NBEA: variants seen among roughly 807,000 people sequenced by gnomAD.
NBEA encodes the protein neurobeachin.
NBEA carries 44 observed loss-of-function variants against 343.4 expected under a neutral mutation model. The ratio of observed to expected loss-of-function variants is 0.13; its 90% CI spans 0.10 to 0.16. The LOEUF (loss-of-function observed/expected upper bound fraction) is 0.16. Among genes scored for constraint, NBEA ranks in the 10% least tolerant of loss-of-function variants. The pLI, the probability that NBEA is intolerant of heterozygous loss-of-function variation, is 1.00. For synonymous variants in NBEA, 1,175 were observed against 1,238.7 expected (o/e 0.95, Z 1.08); for missense variants, 2,555 against 3,631.3 (o/e 0.70, Z 7.62).
chr13:35,559,014 A>G (rs1325055438), intron 44 of NBEA, among the ~76,000 whole-genome samples: 1 of 152,198 alleles, frequency 6.6e-6, no homozygotes. Context: ...AATTATGAAT[A>G]TGAATATCCT....
intron 36 of NBEA, among the ~76,000 whole-genome samples, chr13:35,319,849 C>T (rs1427924501): frequency 2.0e-5 from 3 of 151,746 alleles, no homozygotes; most frequent in Non-Finnish European, 4.4e-5. Flanking sequence ...TACATAATTC[C>T]CTTCTTTGTC....
intron 35 of NBEA, among the ~76,000 whole-genome samples, chr13:35,305,824 G>A (rs913113244): frequency 1.3e-5 from 2 of 152,126 alleles, no homozygotes; most frequent in Admixed American, 6.6e-5. Context: ...CACCATCGGT[G>A]GGTTCTTGAA....
At chr13:35,582,242 C>T (rs899748709) in intron 45 of NBEA, among the ~76,000 whole-genome samples, 4 of 151,976 alleles carry the variant, frequency 2.6e-5, no homozygotes, top group Admixed American at 6.6e-5. Flanking sequence ...GCCCAGATCG[C>T]GCCACTGCAC....
intron 28 of NBEA, among the ~76,000 whole-genome samples, chr13:35,182,000 T>A (rs1310643695): frequency 1.3e-5 from 2 of 151,680 alleles, no homozygotes; most frequent in East Asian, 3.9e-4. Flanking sequence ...AACCCTTGAT[T>A]TTTTTAAAAT....
Position 35,466,405 on chromosome 13 carries a change from T to C in NBEA, c.6449-5995T>C, listed in dbSNP as rs372040259. ...TGTTGGGGAGGAAGTAGTACTGAAG[T>C]TTAACTTCATAACCCTTAAGGCATT... On this transcript the variant is annotated intron_variant, in intron 40 of 58. Coordinates refer to ENST00000379939, the MANE Select transcript of NBEA (RefSeq NM_001385012.1). 6.6e-5 allele frequency among the ~76,000 whole-genome samples: 10 copies of C among 152,328 alleles called. No homozygotes were observed. In the East Asian group the frequency reaches 7.7e-4, roughly 12 times the overall value.
chr13:35,221,657 A>G (rs1182407165), intron 33 of NBEA, among the ~76,000 whole-genome samples: 4 of 152,132 alleles, frequency 2.6e-5, no homozygotes, highest in African/African-American at 7.2e-5. Flanking sequence ...TAGCAATCCT[A>G]AAGGACCTTA....
intron 33 of NBEA, among the ~76,000 whole-genome samples, chr13:35,215,360 T>A (rs910324425): frequency 2.0e-5 from 3 of 151,696 alleles, no homozygotes; most frequent in Non-Finnish European, 4.4e-5. Flanking sequence ...TATGTCTTTT[T>A]AAATTTTTAT....
At chr13:35,667,934 C>CAAATT (rs2085436153) in intron 57 of NBEA, among the ~76,000 whole-genome samples, 1 of 152,164 alleles carries the variant, frequency 6.6e-6, no homozygotes, top group African/African-American at 2.4e-5. Context: ...ATTACATATA[C>CAAATT]CCATTTGCCC....
At chr13:35,062,526 A>T (rs575465217) in intron 8 of NBEA, among the ~76,000 whole-genome samples, 1 of 151,970 alleles carries the variant, frequency 6.6e-6, no homozygotes, top group South Asian at 2.1e-4. Context: ...TGCAAAGAGA[A>T]CCAAAGTAGG....
chr13:35,036,282 G>T (rs1471178391), intron 1 of NBEA, among the ~76,000 whole-genome samples: 1 of 151,954 alleles, frequency 6.6e-6, no homozygotes, highest in Non-Finnish European at 1.5e-5. Context: ...AAGAAAACTA[G>T]TAAAAACTTG....
Position 35,117,347 on chromosome 13 carries a change from A to G in NBEA, c.2003-67A>G, listed in dbSNP as rs2066551217. 6 of 736,682 alleles carry G rather than the reference A, an allele frequency of 8.1e-6. No individual in the cohort carries two copies. The East Asian group carries it at 1.1e-4, about 14-fold the overall frequency. 45.6% of individuals were successfully genotyped at this position (736,682 alleles called of 1,614,324 possible). ...TTCAAGAATGCCATAGTATCCCAAG[A>G]TAATTGCATTTAGCTAATTTAATAT... On this transcript the variant is annotated intron_variant, in intron 13 of 58. Coordinates refer to ENST00000379939, the MANE Select transcript of NBEA (RefSeq NM_001385012.1).
intron 41 of NBEA, among the ~76,000 whole-genome samples, chr13:35,535,514 C>T (rs562122031): frequency 8.5e-5 from 13 of 152,190 alleles, no homozygotes; most frequent in Admixed American, 2.6e-4. Flanking sequence ...AGAGACTGCT[C>T]CCATCACTCC....
intron 36 of NBEA, among the ~76,000 whole-genome samples, chr13:35,338,683 C>A: frequency 6.6e-6 from 1 of 151,942 alleles, no homozygotes; most frequent in East Asian, 1.9e-4. Context: ...CGGTATCTAC[C>A]ACGCTATTAA....
chr13:35,157,359 C>A, intron 21 of NBEA, 89 bp downstream of exon 21: 2 of 1,007,216 alleles, frequency 2.0e-6, no homozygotes, highest in Non-Finnish European at 2.7e-6. Context: ...ATCTTGTGGG[C>A]ATCTTAGATT....
chr13:35,366,188 C>G (rs2041099257), intron 38 of NBEA, among the ~76,000 whole-genome samples: 1 of 151,458 alleles, frequency 6.6e-6, no homozygotes, highest in Non-Finnish European at 1.5e-5. Flanking sequence ...ATAAATCTCC[C>G]TGTGGGTAGA....
chr13:35,472,483 A>G lies in NBEA; in HGVS notation c.6532A>G (p.Ile2178Val), dbSNP rs745368341. 6.2e-7 allele frequency: 1 copy of G among 1,613,994 alleles called. No homozygotes were observed. The change falls in exon 41 of 59, where the codon ATC becomes GTC. Residue 2178 changes from isoleucine to valine, a missense_variant. Around this residue, in one of 21 missense-constraint regions of NBEA, gnomAD observed 246 missense variants for 313.7 expected, o/e 0.78. Coordinates refer to ENST00000379939, the MANE Select transcript of NBEA (RefSeq NM_001385012.1). ...KGTLSITTTE[I>V]YFEVDEDDSA... Reference sequence around the variant, plus strand: ...GACTCTCTCCATCACCACGACAGAAATCTACTTCGAGGTAGATGAGGATGA... The same window carrying G: ...GACTCTCTCCATCACCACGACAGAAGTCTACTTCGAGGTAGATGAGGATGA...
At chr13:35,648,912 A>G (rs900984775) in intron 51 of NBEA, among the ~76,000 whole-genome samples, 4 of 152,142 alleles carry the variant, frequency 2.6e-5, no homozygotes, top group African/African-American at 9.7e-5. Context: ...TAATGTATGC[A>G]GGGCTTACTA....
rs9599912 is a variant in NBEA at position 34,966,340 on chromosome 13, T to C, written c.294+23226T>C. ...GGGACTTGTCAGAGAGCACAGCCTC[T>C]TCTGTAGCGAAGTATGTATAAGTTG... On this transcript the variant is annotated intron_variant, in intron 1 of 58. Transcript: ENST00000379939. Among the ~76,000 whole-genome samples, 1,488 of 152,130 alleles carry C rather than the reference T, an allele frequency of 9.8e-3. 20 individuals are homozygous for C. The highest frequency in any genetic ancestry group is 0.034 in the African/African-American group (1,427 of 41,530).
At chr13:35,541,574 A>G (rs1038673829) in intron 41 of NBEA, among the ~76,000 whole-genome samples, 1 of 152,124 alleles carries the variant, frequency 6.6e-6, no homozygotes, top group Non-Finnish European at 1.5e-5. Flanking sequence ...GTTAAGTGCT[A>G]TGATTCCAAT....
Sources: allele counts gnomAD v4.1 joint callset (sites outside exome capture counted in the v4.1 genomes callset), GRCh38; gene constraint gnomAD v4.1.1; regional missense constraint gnomAD v4.1.1; transcripts MANE v1.5; gene names NCBI Gene and HGNC (gene_info 2026-07-23, HGNC 2026-07-21).